The following TMEM94 variants were observed in gnomAD, a reference collection of about 807,000 sequenced individuals.
The protein encoded by TMEM94 is transmembrane protein 94.
In TMEM94, 81 loss-of-function variants were observed where a neutral mutation model predicts 158.6. The ratio of observed to expected loss-of-function variants is 0.51; its 90% CI spans 0.43 to 0.61. TMEM94 has a LOEUF of 0.61. Ranked by LOEUF, TMEM94 falls within the 20% of genes least tolerant of loss-of-function variation. The pLI is 0.00. For synonymous variants in TMEM94, 751 were observed against 730.7 expected (o/e 1.03, Z -0.45); for missense variants, 1,435 against 1,762.0 (o/e 0.81, Z 3.32).
intron 18 of TMEM94, 23 bp downstream of exon 18, chr17:75,493,939 G>T (rs748597725): frequency 1.9e-6 from 3 of 1,594,888 alleles, no homozygotes; most frequent in South Asian, 2.2e-5. Context: ...TCTGTCCAGC[G>T]GGGCTGGTGC....
In TMEM94 at chr17:75,499,324, C is replaced by T. The variant is rs1598455368; in HGVS notation, c.4061C>T (p.Ser1354Phe). 1 of 1,613,682 alleles carries T rather than the reference C, an allele frequency of 6.2e-7. No homozygotes were observed. The highest frequency in any genetic ancestry group is 8.5e-7 in the Non-Finnish European group (1 of 1,179,950). ...LQFETKLGMN[S>F]PF is the part of the protein sequence containing the mutation. ...TTTGAAACTAAGCTGGGCATGAACT[C>T]TCCCTTCTGAGCCACTGGCTGTGGT... Residue 1354 changes from serine (S) to phenylalanine (F), a missense_variant, in exon 32 of 32, where the codon TCT becomes TTT. Ser to Phe is a radical substitution (Grantham distance 155). This residue lies in a region of TMEM94 where 335 missense variants were observed against 409.1 expected (regional missense o/e 0.82). Coordinates refer to ENST00000314256, the MANE Select transcript of TMEM94 (RefSeq NM_014738.6).
Position 75,485,733 on chromosome 17 carries a change from C to A in TMEM94, c.145-138C>A, listed in dbSNP as rs1421661855. On this transcript the variant is annotated intron_variant, in intron 3 of 31. Transcript: ENST00000314256. The surrounding 1 kb of genome is among the most constrained non-coding windows in gnomAD (Gnocchi z 5.5). ...CTCCTGAGCCTGCTTGCTGCAGGAG[C>A]CCAACAGGCTGGAGCCCAGCCGAGG... 2 of 1,343,188 alleles carry A rather than the reference C, an allele frequency of 1.5e-6. No individual in the cohort carries two copies. The highest frequency in any genetic ancestry group is 2.9e-5 in the African/African-American group (2 of 67,902). The allele number at this position is 1,343,188 out of a possible 1,614,324, so 83.2% of individuals were successfully genotyped here. A position where few individuals can be genotyped will look rare whatever the true frequency, so the allele number is the denominator to read the frequency against.
At position 75,493,340 on chromosome 17, in the gene TMEM94, T is replaced by A. The variant is rs954048908; in HGVS notation, c.2087-151T>A. The A allele has an allele frequency of 7.0e-6, 6 of 863,250 alleles. No homozygotes were observed. In the Admixed American group the frequency reaches 1.1e-4, roughly 16 times the overall value. 53.5% of individuals were successfully genotyped at this position (863,250 alleles called of 1,614,324 possible). A position where few individuals can be genotyped will look rare whatever the true frequency, so the allele number is the denominator to read the frequency against. The stretch of plus-strand genomic sequence containing the variant: ...TGTCTGCATTCCAAGCCCAGTGGCA[T>A]TGCAGAGCCTTGCTGTCCGTGAGTC... On this transcript the variant is annotated intron_variant, in intron 16 of 31. Transcript: ENST00000314256.
chr17:75,473,226 G>A (rs1349458839), intron 2 of TMEM94, among the ~76,000 whole-genome samples: 1 of 152,192 alleles, frequency 6.6e-6, no homozygotes, highest in Non-Finnish European at 1.5e-5. Flanking sequence ...TGTGCAATAG[G>A]TTTCTGGAAT....
In TMEM94 at chr17:75,495,660, T is replaced by A; in HGVS notation, c.2944+17T>A. 1 of 1,609,522 alleles carries A rather than the reference T, an allele frequency of 6.2e-7. No individual in the cohort carries two copies. Among genetic ancestry groups the A allele is most frequent in the Non-Finnish European group, 8.5e-7 (1 of 1,176,702 alleles). On this transcript the variant is annotated intron_variant, in intron 22 of 31. Transcript: ENST00000314256. The surrounding 1 kb of genome is among the most constrained non-coding windows in gnomAD (Gnocchi z 5.6). ...CCCCAGAGAGTGAGTGCTGTGGCCATGGGTACTTGGGCAACCTGGTCCCGT... is the reference window on the plus strand; with the variant it reads ...CCCCAGAGAGTGAGTGCTGTGGCCAAGGGTACTTGGGCAACCTGGTCCCGT...
chr17:75,493,814 C>A lies in TMEM94; in HGVS notation c.2305C>A (p.Leu769Met). Residue 769 changes from leucine (L) to methionine (M), a missense_variant, in exon 18 of 32, where the codon CTG becomes ATG. Coordinates refer to ENST00000314256, the MANE Select transcript of TMEM94 (RefSeq NM_014738.6). ...TCAGCTCAATGGCAAGTGCATCGAG[C>A]TGGTACAGGTGCCCGGCCAAAGCAG... is the stretch of plus-strand genomic sequence containing the variant. The part of the protein sequence containing the change: ...SSQLNGKCIE[L>M]VQVPGQSSIF... 1 of 1,613,912 alleles carries A rather than the reference C, an allele frequency of 6.2e-7. No individual in the cohort carries two copies. Among genetic ancestry groups the A allele is most frequent in the African/African-American group, 1.3e-5 (1 of 75,048 alleles).
chr17:75,467,798 C>T (rs571392601), intron 1 of TMEM94, among the ~76,000 whole-genome samples: 28 of 152,238 alleles, frequency 1.8e-4, no homozygotes, highest in African/African-American at 6.7e-4. Flanking sequence ...TCCCAAAGTG[C>T]TGGGATTACA....
intron 18 of TMEM94, 31 bp downstream of exon 18, chr17:75,493,947 TGCTGGGGCTCCCCTGG>T (rs2052449070): frequency 6.3e-7 from 1 of 1,586,266 alleles, no homozygotes; most frequent in African/African-American, 1.3e-5. Flanking sequence ...GCGGGGCTGG[TGCTGGGGCTCCCCTGG>T]GCTGCCGAAG....
At chr17:75,458,541 A>G (rs1240706545) in intron 1 of TMEM94, among the ~76,000 whole-genome samples, 1 of 152,032 alleles carries the variant, frequency 6.6e-6, no homozygotes, top group African/African-American at 2.4e-5. Context: ...AACCAAAAAA[A>G]TTAGCTGGGC....
chr17:75,493,272 G>A, intron 16 of TMEM94, 170 bp downstream of exon 16: 1 of 877,166 alleles, frequency 1.1e-6, no homozygotes, highest in East Asian at 2.7e-5. Flanking sequence ...CTGGGATGGT[G>A]TTGGCTGCAG....
At chr17:75,497,954 G>T in intron 27 of TMEM94, 92 bp downstream of exon 27, 1 of 1,280,410 alleles carries the variant, frequency 7.8e-7, no homozygotes, top group Non-Finnish European at 1.1e-6. Context: ...GAAGGCTCTG[G>T]ATGGGGGATT....
At chr17:75,472,682 T>C (rs1206153993) in intron 2 of TMEM94, among the ~76,000 whole-genome samples, 2 of 152,216 alleles carry the variant, frequency 1.3e-5, no homozygotes, top group African/African-American at 2.4e-5. Context: ...TCCACATGGC[T>C]GCCACAAAAC....
In TMEM94 at chr17:75,492,153, G is replaced by A. The variant is rs1567960637; in HGVS notation, c.1596+253G>A. 2.1e-6 allele frequency: 2 copies of A among 962,224 alleles called. No homozygotes were observed. The highest frequency in any genetic ancestry group is 3.0e-6 in the Non-Finnish European group (2 of 670,004). 59.6% of individuals were successfully genotyped at this position (962,224 alleles called of 1,614,324 possible). The stretch of plus-strand genomic sequence containing the variant: ...TACTGGAACCTTCCAAATATACACA[G>A]CCCGGAGCTCCCTCTTAGAGATGTT... On this transcript the variant is annotated intron_variant, in intron 14 of 31. Coordinates refer to ENST00000314256, the MANE Select transcript of TMEM94 (RefSeq NM_014738.6). The surrounding 1 kb of genome is among the most constrained non-coding windows in gnomAD (Gnocchi z 4.4).
chr17:75,490,912 G>A lies in TMEM94; in HGVS notation c.1129-137G>A, dbSNP rs976960948. 1.7e-5 allele frequency: 16 copies of A among 925,106 alleles called. No homozygotes were observed. In the Admixed American group the frequency reaches 1.8e-4, roughly 10 times the overall value. The allele number at this position is 925,106 out of a possible 1,614,324, so 57.3% of individuals were successfully genotyped here. A position where few individuals can be genotyped will look rare whatever the true frequency, so the allele number is the denominator to read the frequency against. On this transcript the variant is annotated intron_variant, in intron 11 of 31. Coordinates refer to ENST00000314256, the MANE Select transcript of TMEM94 (RefSeq NM_014738.6). ...CATAACCTGGACCTGTTCCCATAAC[G>A]TGTCCACACCCTGTCCCAGAGAAGT...
At position 75,456,933 on chromosome 17, in the gene TMEM94, C is replaced by T. The variant is rs57110267; in HGVS notation, c.-107+182C>T. ...ACTGGCTCTAGTCTCCAGCTCTTGA[C>T]CATTGCCTTCCCCCGAGTCTTCAGA... On this transcript the variant is annotated intron_variant, in intron 1 of 31. Coordinates refer to ENST00000314256, the MANE Select transcript of TMEM94 (RefSeq NM_014738.6). Among the ~76,000 whole-genome samples the T allele has an allele frequency of 3.4e-3, 519 of 152,308 alleles. 3 individuals are homozygous for T. The highest frequency in any genetic ancestry group is 0.012 in the African/African-American group (504 of 41,568).
chr17:75,469,076 G>C (rs565758337), intron 1 of TMEM94, among the ~76,000 whole-genome samples: 1 of 152,202 alleles, frequency 6.6e-6, no homozygotes, highest in South Asian at 2.1e-4. Flanking sequence ...TAACCAGCCC[G>C]CTTTTGTCGG....
Position 75,491,374 on chromosome 17 carries a change from C to T in TMEM94, c.1305C>T (p.Phe435=), listed in dbSNP as rs575036706. Residue 435 remains phenylalanine, a synonymous_variant, in exon 13 of 32, where the codon TTC becomes TTT. Coordinates refer to ENST00000314256, the MANE Select transcript of TMEM94 (RefSeq NM_014738.6). The surrounding 1 kb of genome is among the most constrained non-coding windows in gnomAD (Gnocchi z 5.1). ...PNPSPETVLF[F]SGKVEPPHSS... Reference sequence around the variant, plus strand: ...CCAGCCCAGAGACTGTACTGTTCTTCAGCGGGAAGGTGGAGCCCCCTCACA... The same window carrying T: ...CCAGCCCAGAGACTGTACTGTTCTTTAGCGGGAAGGTGGAGCCCCCTCACA... 4 of 1,614,142 alleles carry T rather than the reference C, an allele frequency of 2.5e-6. No individual in the cohort carries two copies. In the African/African-American group the frequency reaches 4.0e-5, roughly 16 times the overall value.
chr17:75,478,620 G>A (rs1033125236), intron 2 of TMEM94, among the ~76,000 whole-genome samples: 4 of 152,182 alleles, frequency 2.6e-5, no homozygotes, highest in South Asian at 2.1e-4. Context: ...CCCTGCCAGC[G>A]TCCCTCTTTG....
intron 26 of TMEM94, 70 bp from the exon 27 acceptor site, chr17:75,497,711 G>A: frequency 1.5e-6 from 2 of 1,314,816 alleles, no homozygotes; most frequent in Non-Finnish European, 2.2e-6. Flanking sequence ...CTCCCTAGAG[G>A]TTCCCTCTAT....
Sources: allele counts gnomAD v4.1 joint callset (sites outside exome capture counted in the v4.1 genomes callset), GRCh38; gene constraint gnomAD v4.1.1; regional missense constraint gnomAD v4.1.1; non-coding constraint Gnocchi (gnomAD v3.1); transcripts MANE v1.5; gene names NCBI Gene and HGNC (gene_info 2026-07-23, HGNC 2026-07-21).